Variants in KIAA1958 observed in about 807,000 individuals in gnomAD.
KIAA1958 encodes the protein uncharacterized protein KIAA1958.
In KIAA1958, 14 loss-of-function variants were observed where a neutral mutation model predicts 47.2. The ratio of observed to expected loss-of-function variants is 0.30; its 90% CI spans 0.20 to 0.46. The LOEUF (loss-of-function observed/expected upper bound fraction) is 0.46, where lower values mean the gene tolerates loss of function less well. Among genes scored for constraint, KIAA1958 ranks in the 20% least tolerant of loss-of-function variants. The pLI, the probability that KIAA1958 is intolerant of heterozygous loss-of-function variation, is 1.00. For synonymous variants in KIAA1958, 354 were observed against 353.3 expected, an observed-to-expected ratio of 1.00 and a Z score of -0.02; for missense variants, 803 against 909.2, an observed-to-expected ratio of 0.88 and a Z score of 1.50.
chr9:112,658,292 A>G (rs1390866991), intron 3 of KIAA1958, among the ~76,000 whole-genome samples: 1 of 151,652 alleles, frequency 6.6e-6, no homozygotes, highest in Non-Finnish European at 1.5e-5. Flanking sequence ...TGGACATATC[A>G]GATGTCTTTC....
At chr9:112,600,781 A>G (rs1433651744) in intron 2 of KIAA1958, among the ~76,000 whole-genome samples, 1 of 152,222 alleles carries the variant, frequency 6.6e-6, no homozygotes, top group Non-Finnish European at 1.5e-5. Flanking sequence ...CTAGGTAGGA[A>G]GACTTTGATT....
intron 2 of KIAA1958, among the ~76,000 whole-genome samples, chr9:112,626,144 A>G (rs186471454): frequency 2.0e-5 from 3 of 152,304 alleles, no homozygotes; most frequent in East Asian, 3.9e-4. Context: ...TAGAGATAGT[A>G]AAGGGGAAAA....
chr9:112,642,268 T>C (rs886367836), intron 2 of KIAA1958, among the ~76,000 whole-genome samples: 4 of 152,222 alleles, frequency 2.6e-5, no homozygotes, highest in Non-Finnish European at 5.9e-5. Context: ...TGAATAGGCT[T>C]CCCTTCAGGG....
chr9:112,659,172 C>T, intron 3 of KIAA1958, 91 bp from the exon 4 acceptor site: 1 of 1,075,300 alleles, frequency 9.3e-7, no homozygotes. Flanking sequence ...ACAGAATGTC[C>T]TCAACACAGC....
At chr9:112,527,922 G>A (rs1170727026) in intron 1 of KIAA1958, among the ~76,000 whole-genome samples, 2 of 135,638 alleles carry the variant, frequency 1.5e-5, no homozygotes, top group African/African-American at 2.9e-5. Context: ...GGGTGACTGA[G>A]TGAGACCCTT....
At chr9:112,653,819 G>C (rs1218406212) in intron 3 of KIAA1958, among the ~76,000 whole-genome samples, 2 of 152,144 alleles carry the variant, frequency 1.3e-5, no homozygotes, top group African/African-American at 4.8e-5. Context: ...AGAATCGCTT[G>C]AACCCGGGAG....
chr9:112,575,999 G>A (rs1271498792), intron 2 of KIAA1958, among the ~76,000 whole-genome samples: 7 of 152,152 alleles, frequency 4.6e-5, no homozygotes, highest in Non-Finnish European at 1.0e-4. Context: ...CTCAATTCTA[G>A]TAGGCTAGAA....
intron 2 of KIAA1958, among the ~76,000 whole-genome samples, chr9:112,585,890 G>C (rs1303205679): frequency 6.6e-6 from 1 of 152,176 alleles, no homozygotes; most frequent in Non-Finnish European, 1.5e-5. Flanking sequence ...AAAGCAGTTT[G>C]AAGAGTTTTG....
chr9:112,609,630 C>T (rs754216550), intron 2 of KIAA1958, among the ~76,000 whole-genome samples: 6 of 152,146 alleles, frequency 3.9e-5, no homozygotes, highest in Non-Finnish European at 5.9e-5. Flanking sequence ...TGACTCACTG[C>T]AGTCTCAACC....
chr9:112,555,727 G>T (rs1835228335), intron 1 of KIAA1958, among the ~76,000 whole-genome samples: 1 of 152,164 alleles, frequency 6.6e-6, no homozygotes, highest in Non-Finnish European at 1.5e-5. Context: ...CTTTTGTAAG[G>T]CACTAATCTA....
At chr9:112,635,211 A>ATTTT (rs1245992788) in intron 2 of KIAA1958, among the ~76,000 whole-genome samples, 3 of 105,010 alleles carry the variant, frequency 2.9e-5, no homozygotes, top group African/African-American at 1.3e-4. Context: ...GAGATTCTTT[A>ATTTT]TTTTGTGTGT....
chr9:112,612,355 C>T (rs113403279), intron 2 of KIAA1958, among the ~76,000 whole-genome samples: 3 of 152,162 alleles, frequency 2.0e-5, no homozygotes, highest in African/African-American at 7.2e-5. Context: ...CTGCAGTGAG[C>T]TGTGATCACA....
At chr9:112,599,769 G>T (rs752005118) in intron 2 of KIAA1958, among the ~76,000 whole-genome samples, 5 of 152,202 alleles carry the variant, frequency 3.3e-5, no homozygotes, top group Non-Finnish European at 5.9e-5. Context: ...ATGATGTCTT[G>T]TATATCAAAG....
intron 1 of KIAA1958, among the ~76,000 whole-genome samples, chr9:112,547,163 G>A (rs1297322883): frequency 2.0e-5 from 3 of 151,636 alleles, no homozygotes; most frequent in African/African-American, 7.3e-5. Context: ...GATCACCTGC[G>A]ACCAGGAGTT....
intron 1 of KIAA1958, among the ~76,000 whole-genome samples, chr9:112,520,986 A>G (rs1043278191): frequency 1.3e-5 from 2 of 151,556 alleles, no homozygotes; most frequent in African/African-American, 2.4e-5. Flanking sequence ...TTTGTTTTCT[A>G]TTTCTTTAAT....
At chr9:112,612,667 G>A (rs1244901820) in intron 2 of KIAA1958, among the ~76,000 whole-genome samples, 2 of 152,188 alleles carry the variant, frequency 1.3e-5, no homozygotes, top group Admixed American at 1.3e-4. Flanking sequence ...GGGAAGGTGT[G>A]ATTGAAGCAG....
chr9:112,599,480 TAAA>T (rs984557876), intron 2 of KIAA1958, among the ~76,000 whole-genome samples: 2 of 152,170 alleles, frequency 1.3e-5, no homozygotes, highest in African/African-American at 4.8e-5. Context: ...TAATGTTCAA[TAAA>T]AACTTTTTTT....
Position 112,618,954 on chromosome 9 carries a change from G to T in KIAA1958, c.1172-26696G>T. On this transcript the variant is annotated intron_variant, in intron 2 of 3. Transcript: ENST00000337530. This position sits in a 1 kb window ranked among gnomAD's most constrained non-coding sequence, Gnocchi z 7.1. ...AGCAAGACTCCAGTTTGGTTACTGT[G>T]TCCGGAGAAACTGTGATTATACACC... The T allele has an allele frequency of 6.7e-7, 1 of 1,489,616 alleles. No homozygotes were observed. The highest frequency in any genetic ancestry group is 9.0e-7 in the Non-Finnish European group (1 of 1,112,152). 92.3% of individuals were successfully genotyped at this position (1,489,616 alleles called of 1,614,324 possible). A position where few individuals can be genotyped will look rare whatever the true frequency, so the allele number is the denominator to read the frequency against.
intron 2 of KIAA1958, among the ~76,000 whole-genome samples, chr9:112,582,841 G>A (rs1032186488): frequency 6.6e-5 from 10 of 152,158 alleles, no homozygotes; most frequent in Non-Finnish European, 1.5e-4. Context: ...CGGAGGGAAG[G>A]ATTCAGTGAC....
Sources: gnomAD v4.1 joint callset for allele counts (sites outside exome capture counted in the v4.1 genomes callset) on GRCh38, gnomAD v4.1.1 for gene constraint, Gnocchi (gnomAD v3.1) non-coding constraint, MANE v1.5 for transcripts, NCBI Gene and HGNC (gene_info 2026-07-23, HGNC 2026-07-21) for gene names.